The following USP8 variants were observed in gnomAD, a reference collection of about 807,000 sequenced individuals.
USP8 encodes ubiquitin carboxyl-terminal hydrolase 8.
A neutral mutation model predicts 130.0 loss-of-function variants in USP8; 27 were observed. The ratio of observed to expected loss-of-function variants is 0.21; its 90% CI spans 0.15 to 0.29. The LOEUF is 0.29. Ranked by LOEUF, USP8 falls within the 10% of genes least tolerant of loss-of-function variation. The probability of loss-of-function intolerance (pLI) is 1.00; values close to 1 mark genes in which losing one functional copy is unlikely to be tolerated. For synonymous variants in USP8, 392 were observed against 444.1 expected, an observed-to-expected ratio of 0.88 and a Z score of 1.48; for missense variants, 1,029 against 1,312.2, an observed-to-expected ratio of 0.78 and a Z score of 3.33.
intron 4 of USP8, among the ~76,000 whole-genome samples, chr15:50,451,517 T>A (rs1595921754): frequency 6.6e-6 from 1 of 152,370 alleles, no homozygotes. Flanking sequence ...TCTTTCAGTG[T>A]AATAAAGTCC....
chr15:50,441,571 A>G (rs1595907808), intron 3 of USP8, 78 bp downstream of exon 3: 1 of 1,281,912 alleles, frequency 7.8e-7, no homozygotes, highest in African/African-American at 1.5e-5. Context: ...AAAAATTTTA[A>G]GTAATAATGA....
At chr15:50,495,287 CATATAT>C (rs1175825603) in intron 16 of USP8, among the ~76,000 whole-genome samples, 1 of 2,132 alleles carries the variant, frequency 4.7e-4, no homozygotes, top group African/African-American at 1.7e-3. Flanking sequence ...TATACACATA[CATATAT>C]ACATATATAC....
chr15:50,429,101 A>G (rs1476766752), intron 1 of USP8, among the ~76,000 whole-genome samples: 5 of 152,154 alleles, frequency 3.3e-5, no homozygotes, highest in Non-Finnish European at 2.9e-5. Context: ...TTTTTATTTA[A>G]TATTCTTGGA....
intron 12 of USP8, among the ~76,000 whole-genome samples, chr15:50,488,906 G>T (rs905110517): frequency 2.0e-5 from 3 of 151,812 alleles, no homozygotes; most frequent in African/African-American, 7.3e-5. Flanking sequence ...TTTTTATAGA[G>T]ACGGGGTCTG....
chr15:50,470,768 T>G (rs1335638564), intron 7 of USP8, among the ~76,000 whole-genome samples: 5 of 151,464 alleles, frequency 3.3e-5, no homozygotes, highest in Non-Finnish European at 5.9e-5. Flanking sequence ...CCCGGCTAAT[T>G]TTTGTATTTA....
At chr15:50,452,603 A>G (rs967891476) in intron 4 of USP8, among the ~76,000 whole-genome samples, 12 of 152,314 alleles carry the variant, frequency 7.9e-5, no homozygotes, top group African/African-American at 2.6e-4. Context: ...ATAGAGCACT[A>G]CTAGAGAAGA....
At chr15:50,463,236 C>T (rs1218947846) in intron 6 of USP8, 1 of 152,146 alleles carries the variant, frequency 6.6e-6, no homozygotes, top group Non-Finnish European at 1.5e-5. Context: ...GACAGTGAGA[C>T]CCTGTCTCAA....
intron 7 of USP8, among the ~76,000 whole-genome samples, chr15:50,469,997 A>G (rs2051324822): frequency 6.6e-6 from 1 of 151,940 alleles, no homozygotes; most frequent in African/African-American, 2.4e-5. Context: ...ACTTCCAGCT[A>G]ATTTTTGTAT....
chr15:50,453,573 C>T (rs1334363494), intron 4 of USP8, among the ~76,000 whole-genome samples: 1 of 152,106 alleles, frequency 6.6e-6, no homozygotes, highest in African/African-American at 2.4e-5. Context: ...TGTGCACTTG[C>T]AAAGAAAATG....
chr15:50,477,271 T>G lies in USP8; in HGVS notation c.995-5T>G. ...TAAAAAACATTTTTATTTTTGGAAT[T>G]TTAGTGGATTTTACTTATCCCTCAT... On this transcript the variant is annotated splice_polypyrimidine_tract_variant and splice_region_variant and intron_variant, in intron 9 of 19. Coordinates refer to ENST00000307179, the MANE Select transcript of USP8 (RefSeq NM_005154.5). 1.2e-6 allele frequency: 2 copies of G among 1,604,810 alleles called. No individual in the cohort carries two copies. The highest frequency in any genetic ancestry group is 8.5e-7 in the Non-Finnish European group (1 of 1,177,532).
At position 50,476,936 on chromosome 15, in the gene USP8, A is replaced by T. The variant is rs1566873330; in HGVS notation, c.937A>T (p.Thr313Ser). The change falls in exon 9 of 20, where the codon ACA becomes TCA. Residue 313 changes from threonine to serine, a missense_variant. Physicochemically the swap from Thr to Ser is moderately conservative, Grantham distance 58. Transcript: ENST00000307179. Reference protein sequence around the residue: ...NWLLCYPQYTTNAKVTPPPRR... With the variant: ...NWLLCYPQYTSNAKVTPPPRR... ...GCTCCTTTGTTATCCCCAGTATACAACAAATGCTAAGGTCACTCCACCCCC... is the reference window on the plus strand; with the variant it reads ...GCTCCTTTGTTATCCCCAGTATACATCAAATGCTAAGGTCACTCCACCCCC... The T allele has an allele frequency of 6.2e-7, 1 of 1,610,260 alleles. No homozygotes were observed. Among genetic ancestry groups the T allele is most frequent in the African/African-American group, 1.3e-5 (1 of 74,736 alleles).
intron 10 of USP8, among the ~76,000 whole-genome samples, chr15:50,477,821 A>G (rs1293632248): frequency 2.0e-5 from 3 of 148,326 alleles, no homozygotes; most frequent in African/African-American, 7.4e-5. Context: ...AGCCTGGGTG[A>G]CAGCAAGACT....
At chr15:50,471,972 C>G (rs1199073050) in intron 8 of USP8, among the ~76,000 whole-genome samples, 177 bp downstream of exon 8, 2 of 150,232 alleles carry the variant, frequency 1.3e-5, no homozygotes, top group South Asian at 2.1e-4. Flanking sequence ...GTGATCTCAG[C>G]TCACTGCAAC....
Position 50,500,777 on chromosome 15 carries a change from G to C in USP8, c.*1689G>C. On this transcript the variant is annotated 3_prime_UTR_variant, in exon 20 of 20. Transcript: ENST00000307179. ...GTGTTATCAAAGCTATATCAGGCCTGGGTGACTGAATTCTTGCAGAAAGCA... is the reference window on the plus strand; with the variant it reads ...GTGTTATCAAAGCTATATCAGGCCTCGGTGACTGAATTCTTGCAGAAAGCA... 2 of 1,588,516 alleles carry C rather than the reference G, an allele frequency of 1.3e-6. No homozygotes were observed. Among genetic ancestry groups the C allele is most frequent in the East Asian group, 2.3e-5 (1 of 44,130 alleles).
At chr15:50,491,253 A>C (rs2052150001) in intron 14 of USP8, among the ~76,000 whole-genome samples, 1 of 152,172 alleles carries the variant, frequency 6.6e-6, no homozygotes. Context: ...TTTATTATAC[A>C]CTTGTATTTG....
chr15:50,495,893 G>A lies in USP8; in HGVS notation c.2704G>A (p.Asp902Asn), dbSNP rs568333100. 14 of 1,613,702 alleles carry A rather than the reference G, an allele frequency of 8.7e-6. No homozygotes were observed. Among genetic ancestry groups the A allele is most frequent in the East Asian group, 4.5e-5 (2 of 44,856 alleles). ...RYKEENNDHL[D>N]DFKAAEHAWQ... Reference sequence around the variant, plus strand: ...TAAAGAAGAAAATAATGATCATCTCGATGACTTTAAAGCTGCAGAACATGC... The same window carrying A: ...TAAAGAAGAAAATAATGATCATCTCAATGACTTTAAAGCTGCAGAACATGC... Residue 902 changes from aspartate (D) to asparagine (N), a missense_variant, in exon 17 of 20, where the codon GAT becomes AAT. Asp to Asn is a conservative substitution (Grantham distance 23). Around this residue, in one of 4 missense-constraint regions of USP8, gnomAD observed 257 missense variants for 429.8 expected, o/e 0.60. Transcript: ENST00000307179.
intron 18 of USP8, among the ~76,000 whole-genome samples, chr15:50,498,089 T>C (rs983117234): frequency 1.3e-5 from 2 of 152,218 alleles, no homozygotes; most frequent in African/African-American, 2.4e-5. Context: ...TTCAAAATTA[T>C]GAAATAACCA....
intron 4 of USP8, among the ~76,000 whole-genome samples, chr15:50,455,896 G>T (rs556824029): frequency 6.6e-6 from 1 of 152,114 alleles, no homozygotes; most frequent in Non-Finnish European, 1.5e-5. Context: ...CTGAGATTGG[G>T]GTCTTTATTG....
At chr15:50,455,723 A>G (rs929853084) in intron 4 of USP8, among the ~76,000 whole-genome samples, 3 of 152,082 alleles carry the variant, frequency 2.0e-5, no homozygotes, top group African/African-American at 7.2e-5. Flanking sequence ...GCTATACTCA[A>G]ACGTTAAGTT....
Sources: gnomAD v4.1 joint callset for allele counts (sites outside exome capture counted in the v4.1 genomes callset) on GRCh38, gnomAD v4.1.1 for gene constraint, gnomAD v4.1.1 regional missense constraint, MANE v1.5 for transcripts, NCBI Gene and HGNC (gene_info 2026-07-23, HGNC 2026-07-21) for gene names.